Variants in HSP90AA1 observed in about 807,000 individuals in gnomAD.
HSP90AA1 encodes heat shock protein HSP 90-alpha.
HSP90AA1 carries 18 observed loss-of-function variants against 73.3 expected under a neutral mutation model. The ratio of observed to expected loss-of-function variants is 0.25; its 90% CI spans 0.17 to 0.36. The LOEUF (loss-of-function observed/expected upper bound fraction) is 0.36, where lower values mean the gene tolerates loss of function less well. HSP90AA1 is among the 10% of genes least tolerant of loss of function. HSP90AA1 has a pLI of 1.00. For missense variants in HSP90AA1, 704 were observed against 874.2 expected, an observed-to-expected ratio of 0.81 and a Z score of 2.45; for synonymous variants, 477 against 296.9, an observed-to-expected ratio of 1.61 and a Z score of -6.24.
In HSP90AA1 at chr14:102,084,392, T is replaced by G. The variant is rs371160739; in HGVS notation, c.1147+7A>C. ...TGACAGTGATTATTTTTCCTATCTA[T>G]ACTTACTCAGATATTCAGGGATTAG... is the stretch of plus-strand genomic sequence containing the variant. On this transcript the variant is annotated splice_region_variant and intron_variant, in intron 6 of 10. Transcript: ENST00000216281. 3.7e-6 allele frequency: 6 copies of G among 1,610,890 alleles called. No homozygotes were observed. The highest frequency in any genetic ancestry group is 2.7e-5 in the African/African-American group (2 of 74,884).
chr14:102,084,206 G>A (rs1472856965), intron 6 of HSP90AA1, 193 bp downstream of exon 6: 3 of 675,964 alleles, frequency 4.4e-6, no homozygotes, highest in Middle Eastern at 3.1e-4. Context: ...GCCACTACAT[G>A]GGGCTAATTT....
upstream of HSP90AA1, among the ~76,000 whole-genome samples, chr14:102,087,404 G>C (rs2049273014): frequency 6.6e-6 from 1 of 151,610 alleles, no homozygotes; most frequent in Admixed American, 6.6e-5. Flanking sequence ...GCGGGCGGAG[G>C]GCACGCCCGG....
rs934915982 is a variant in HSP90AA1 at position 102,087,040 on chromosome 14, C to T, written c.-55G>A. 6 of 985,462 alleles carry T rather than the reference C, an allele frequency of 6.1e-6. No individual in the cohort carries two copies. In the African/African-American group the frequency reaches 1.0e-4, roughly 17 times the overall value. 61.0% of individuals were successfully genotyped at this position (985,462 alleles called of 1,614,324 possible). A position where few individuals can be genotyped will look rare whatever the true frequency, so the allele number is the denominator to read the frequency against. On this transcript the variant is annotated 5_prime_UTR_variant, in exon 1 of 11. Coordinates refer to ENST00000216281, the MANE Select transcript of HSP90AA1 (RefSeq NM_005348.4). ...GCACAGCCACACCGGGACGCTGAAGCAACTGACGCGCCACCCCCGCGCCTG... is the reference window on the plus strand; with the variant it reads ...GCACAGCCACACCGGGACGCTGAAGTAACTGACGCGCCACCCCCGCGCCTG...
chr14:102,114,646 G>T (rs1399778765), intron 1 of HSP90AA1, among the ~76,000 whole-genome samples: 1 of 152,102 alleles, frequency 6.6e-6, no homozygotes, highest in African/African-American at 2.4e-5. Flanking sequence ...ACACACTCAC[G>T]TAATCCCCAT....
intron 1 of HSP90AA1, among the ~76,000 whole-genome samples, chr14:102,132,527 A>G (rs1331048215): frequency 3.3e-5 from 5 of 152,208 alleles, no homozygotes; most frequent in Non-Finnish European, 7.4e-5. Context: ...CAGACCAGGC[A>G]ACATAGTGAG....
At chr14:102,095,288 G>T (rs959846565) in intron 2 of HSP90AA1, among the ~76,000 whole-genome samples, 1 of 152,174 alleles carries the variant, frequency 6.6e-6, no homozygotes, top group Non-Finnish European at 1.5e-5. Flanking sequence ...GGGACAGGAG[G>T]CTGTGCCTGT....
rs180823918 is a variant in HSP90AA1 at position 102,137,222 on chromosome 14, C to G, written c.155+2028G>C. On this transcript the variant is annotated intron_variant, in intron 1 of 11. Transcript: ENST00000334701. Reference sequence around the variant, plus strand: ...TGCCACTGCACTCCAGCCTGGGCAACAGAGTGAGACTCCATCTCAAAAAAA... The same window carrying G: ...TGCCACTGCACTCCAGCCTGGGCAAGAGAGTGAGACTCCATCTCAAAAAAA... Among the ~76,000 whole-genome samples the G allele has an allele frequency of 2.9e-3, 438 of 151,668 alleles. 4 individuals are homozygous for G. Among genetic ancestry groups the G allele is most frequent in the African/African-American group, 0.01 (416 of 41,340 alleles).
At chr14:102,091,914 AC>A, upstream of HSP90AA1, among the ~76,000 whole-genome samples, 1 of 152,112 alleles carries the variant, frequency 6.6e-6, no homozygotes, top group South Asian at 2.1e-4. Flanking sequence ...GGTGTGAGCC[AC>A]CACAACTGCC....
chr14:102,084,363 T>TCAG (rs1595656801), intron 6 of HSP90AA1, 36 bp downstream of exon 6: 1 of 1,589,974 alleles, frequency 6.3e-7, no homozygotes, highest in East Asian at 2.2e-5. Flanking sequence ...ACTTCTTTAA[T>TCAG]CAGTGACAGT....
intron 6 of HSP90AA1, 128 bp from the exon 7 acceptor site, chr14:102,084,111 C>T (rs1250138691): frequency 1.2e-6 from 1 of 846,720 alleles, no homozygotes; most frequent in Non-Finnish European, 1.9e-6. Context: ...ACTCTGTTGC[C>T]CAGGCTGGAG....
At chr14:102,087,893 A>C (rs1053741397), upstream of HSP90AA1, among the ~76,000 whole-genome samples, 2 of 149,116 alleles carry the variant, frequency 1.3e-5, no homozygotes, top group Non-Finnish European at 3.0e-5. Context: ...TCTCCAAATT[A>C]AGTATCTAAC....
At chr14:102,087,131 A>T, upstream of HSP90AA1, 3 of 983,588 alleles carry the variant, frequency 3.1e-6, no homozygotes, top group Non-Finnish European at 3.6e-6. Flanking sequence ...AACCTTCCGG[A>T]AGAACCCTCC....
At chr14:102,097,702 C>A (rs1049559278) in intron 2 of HSP90AA1, among the ~76,000 whole-genome samples, 1 of 152,162 alleles carries the variant, frequency 6.6e-6, no homozygotes, top group Non-Finnish European at 1.5e-5. Flanking sequence ...GATGTTCCTG[C>A]CTGGTAGGGG....
intron 1 of HSP90AA1, among the ~76,000 whole-genome samples, chr14:102,102,626 G>A (rs997346927): frequency 6.6e-6 from 1 of 152,210 alleles, no homozygotes; most frequent in Non-Finnish European, 1.5e-5. Flanking sequence ...TGAAGAAGAG[G>A]CTCTGCCACG....
At chr14:102,100,956 T>C (rs2049485211) in intron 2 of HSP90AA1, among the ~76,000 whole-genome samples, 1 of 152,174 alleles carries the variant, frequency 6.6e-6, no homozygotes, top group African/African-American at 2.4e-5. Flanking sequence ...TCCTGTATCC[T>C]TACCCACAAA....
rs921019630 is a variant in HSP90AA1 at position 102,087,025 on chromosome 14, A to C, written c.-40T>G. On this transcript the variant is annotated 5_prime_UTR_variant, in exon 1 of 11. Coordinates refer to ENST00000216281, the MANE Select transcript of HSP90AA1 (RefSeq NM_005348.4). Reference sequence around the variant, plus strand: ...CGCACAGGACCAACGGCACAGCCACACCGGGACGCTGAAGCAACTGACGCG... The same window carrying C: ...CGCACAGGACCAACGGCACAGCCACCCCGGGACGCTGAAGCAACTGACGCG... 1.3e-5 allele frequency: 13 copies of C among 984,952 alleles called. No individual in the cohort carries two copies. The South Asian group carries it at 5.6e-4, about 43-fold the overall frequency. 61.0% of individuals were successfully genotyped at this position (984,952 alleles called of 1,614,324 possible).
chr14:102,099,231 G>C (rs2049463187), intron 2 of HSP90AA1, among the ~76,000 whole-genome samples: 1 of 152,204 alleles, frequency 6.6e-6, no homozygotes, highest in South Asian at 2.1e-4. Context: ...CTTATAAATT[G>C]AAAACCTTTT....
chr14:102,122,357 T>G (rs1194719951), intron 1 of HSP90AA1, among the ~76,000 whole-genome samples: 2 of 150,546 alleles, frequency 1.3e-5, no homozygotes, highest in East Asian at 2.0e-4. Flanking sequence ...CTTGGCTCAG[T>G]GCAAGCTCCA....
intron 1 of HSP90AA1, among the ~76,000 whole-genome samples, chr14:102,134,122 G>A (rs1057404109): frequency 4.7e-5 from 7 of 148,764 alleles, no homozygotes; most frequent in African/African-American, 1.7e-4. Context: ...CTGCACTCCA[G>A]CCTGGGCAAC....
Sources: allele counts gnomAD v4.1 joint callset (sites outside exome capture counted in the v4.1 genomes callset), GRCh38; gene constraint gnomAD v4.1.1; transcripts MANE v1.5; gene names NCBI Gene and HGNC (gene_info 2026-07-23, HGNC 2026-07-21).